The following NUCKS1 variants were observed in gnomAD, a reference collection of about 807,000 sequenced individuals.
The protein encoded by NUCKS1 is nuclear casein kinase and cyclin dependent kinase substrate 1, also known as nuclear ubiquitous casein and cyclin-dependent kinase substrate 1.
NUCKS1 carries 2 observed loss-of-function variants against 33.0 expected under a neutral mutation model. That is an observed-to-expected ratio of 0.06 (90% CI 0.02 to 0.19). NUCKS1 has a LOEUF of 0.19. NUCKS1 is among the 10% of genes least tolerant of loss of function. NUCKS1 has a pLI of 1.00. For missense variants in NUCKS1, 201 were observed against 293.6 expected (o/e 0.68, Z 2.31); for synonymous variants, 106 against 102.8 (o/e 1.03, Z -0.19).
chr1:205,726,623 G>C (rs1474828010), intron 3 of NUCKS1, among the ~76,000 whole-genome samples: 1 of 152,210 alleles, frequency 6.6e-6, no homozygotes, highest in Non-Finnish European at 1.5e-5. Context: ...TTATTTGGAA[G>C]TGGTATAGAG....
chr1:205,741,355 CA>C (rs1654169499), intron 1 of NUCKS1, among the ~76,000 whole-genome samples: 1 of 149,208 alleles, frequency 6.7e-6, no homozygotes, highest in Non-Finnish European at 1.5e-5. Context: ...ATACAAATTT[CA>C]ATGAGCATAA....
At position 205,749,947 on chromosome 1, in the gene NUCKS1, C is replaced by G; in HGVS notation, c.17+10G>C. The G allele has an allele frequency of 6.2e-7, 1 of 1,610,314 alleles. No individual in the cohort carries two copies. Among genetic ancestry groups the G allele is most frequent in the Non-Finnish European group, 8.5e-7 (1 of 1,178,066 alleles). On this transcript the variant is annotated intron_variant, in intron 1 of 6. Coordinates refer to ENST00000367142, the MANE Select transcript of NUCKS1 (RefSeq NM_022731.5). ...TCCAACCCGCTCCAGGCCTCAGACTCCGCACTGACCTGACAGGCCGCGACA... is the reference window on the plus strand; with the variant it reads ...TCCAACCCGCTCCAGGCCTCAGACTGCGCACTGACCTGACAGGCCGCGACA...
chr1:205,717,438 C>T lies in NUCKS1; in HGVS notation c.*842G>A. ...TCTTGGTAAAATTTTATCCAAAAAA[C>T]AGGATACATATATATTTAGAGAAGG... On this transcript the variant is annotated 3_prime_UTR_variant, in exon 7 of 7. Transcript: ENST00000367142. 5.4e-5 allele frequency: 52 copies of T among 967,486 alleles called. No individual in the cohort carries two copies. The highest frequency in any genetic ancestry group is 6.1e-5 in the Non-Finnish European group (50 of 818,772). 59.9% of individuals were successfully genotyped at this position (967,486 alleles called of 1,614,324 possible).
At chr1:205,729,720 C>T in intron 1 of NUCKS1, 99 bp from the exon 2 acceptor site, 1 of 925,200 alleles carries the variant, frequency 1.1e-6, no homozygotes, top group Non-Finnish European at 1.8e-6. Context: ...ACTGAACTAG[C>T]ACTTTGAAAA....
chr1:205,720,384 T>C (rs1671898770), intron 5 of NUCKS1, 117 bp downstream of exon 5: 2 of 955,458 alleles, frequency 2.1e-6, no homozygotes, highest in South Asian at 3.3e-5. Flanking sequence ...ACGGAGTATC[T>C]ACCCAATTTA....
At chr1:205,724,510 A>G (rs1216182556) in intron 3 of NUCKS1, among the ~76,000 whole-genome samples, 1 of 152,174 alleles carries the variant, frequency 6.6e-6, no homozygotes, top group South Asian at 2.1e-4. Flanking sequence ...CCTGGCTAAC[A>G]TGGTGAAACC....
At chr1:205,740,169 A>T (rs912200620) in intron 1 of NUCKS1, among the ~76,000 whole-genome samples, 13 of 149,248 alleles carry the variant, frequency 8.7e-5, no homozygotes, top group African/African-American at 3.2e-4. Flanking sequence ...CAGCTGGCTA[A>T]TTTTTTTTTA....
intron 3 of NUCKS1, among the ~76,000 whole-genome samples, chr1:205,724,649 G>A (rs1179193733): frequency 2.0e-5 from 3 of 152,054 alleles, no homozygotes; most frequent in Non-Finnish European, 4.4e-5. Flanking sequence ...AGCTAGGATT[G>A]CACCGCTGCA....
chr1:205,750,018 A>ACCCCCCCCCCCCCCCCCCCCCCTC lies in NUCKS1; in HGVS notation c.-46_-45insGAGGGGGGGGGGGGGGGGGGGGGG. The ACCCCCCCCCCCCCCCCCCCCCCTC allele has an allele frequency of 1.0e-6, 1 of 964,084 alleles. No individual in the cohort carries two copies. Among genetic ancestry groups the ACCCCCCCCCCCCCCCCCCCCCCTC allele is most frequent in the Non-Finnish European group, 1.5e-6 (1 of 684,578 alleles). The allele number at this position is 964,084 out of a possible 1,614,324, so 59.7% of individuals were successfully genotyped here. ...CCGAGTCGAGAAGCCAAAGACCAGG[A>ACCCCCCCCCCCCCCCCCCCCCCTC]CCCCCCCCACCCCGCGCGCTCGGCG... is the stretch of plus-strand genomic sequence containing the variant. On this transcript the variant is annotated 5_prime_UTR_variant, in exon 1 of 7. Coordinates refer to ENST00000367142, the MANE Select transcript of NUCKS1 (RefSeq NM_022731.5).
chr1:205,745,007 A>C (rs79771737), intron 1 of NUCKS1, among the ~76,000 whole-genome samples: 1,818 of 152,298 alleles, frequency 0.012, 33 homozygotes, highest in African/African-American at 0.042. Flanking sequence ...TATACAGTAC[A>C]TGCATCCTGT....
chr1:205,732,672 T>G (rs1304035308), intron 1 of NUCKS1, among the ~76,000 whole-genome samples: 1 of 150,408 alleles, frequency 6.6e-6, no homozygotes, highest in Non-Finnish European at 1.5e-5. Flanking sequence ...TGCCAGCTAC[T>G]TGGGAGACTG....
rs1397711820 is a variant in NUCKS1 at position 205,749,706 on chromosome 1, G to T, written c.17+251C>A. ...CCCCGCCCGCTCTAGTGCGGTGGGTGGGGGAGGCAGCTGAGCAGACCGGAG... is the reference window on the plus strand; with the variant it reads ...CCCCGCCCGCTCTAGTGCGGTGGGTTGGGGAGGCAGCTGAGCAGACCGGAG... On this transcript the variant is annotated intron_variant, in intron 1 of 6. Coordinates refer to ENST00000367142, the MANE Select transcript of NUCKS1 (RefSeq NM_022731.5). Among the ~76,000 whole-genome samples the T allele has an allele frequency of 3.3e-5, 5 of 151,790 alleles. No homozygotes were observed. The South Asian group carries it at 6.2e-4, about 19-fold the overall frequency.
At chr1:205,749,515 G>A (rs1236901797) in intron 1 of NUCKS1, among the ~76,000 whole-genome samples, 1 of 151,610 alleles carries the variant, frequency 6.6e-6, no homozygotes, top group Non-Finnish European at 1.5e-5. Flanking sequence ...CTGGGGGAAG[G>A]GGCAATACGG....
At chr1:205,741,296 T>G (rs1654165537) in intron 1 of NUCKS1, among the ~76,000 whole-genome samples, 1 of 23,494 alleles carries the variant, frequency 4.3e-5, no homozygotes, top group Non-Finnish European at 9.9e-5. Flanking sequence ...CGAGACTGTC[T>G]CAAAAAAAAA....
intron 1 of NUCKS1, among the ~76,000 whole-genome samples, chr1:205,747,058 T>C (rs80153295): frequency 0.011 from 1,620 of 152,304 alleles, 34 homozygotes; most frequent in African/African-American, 0.037. Flanking sequence ...CCTCACAAAG[T>C]TGACTCATGA....
intron 1 of NUCKS1, 43 bp from the exon 2 acceptor site, chr1:205,729,664 G>C (rs1276045599): frequency 7.0e-7 from 1 of 1,422,330 alleles, no homozygotes; most frequent in Non-Finnish European, 9.9e-7. Flanking sequence ...AAAACTGTAG[G>C]ATTTTTCTAA....
intron 1 of NUCKS1, among the ~76,000 whole-genome samples, chr1:205,733,428 A>C (rs1157516292): frequency 2.6e-5 from 4 of 152,096 alleles, no homozygotes; most frequent in Non-Finnish European, 5.9e-5. Context: ...CTACTTCCTT[A>C]CTCTATCACT....
chr1:205,736,268 C>T (rs1438297502), intron 1 of NUCKS1, among the ~76,000 whole-genome samples: 2 of 152,008 alleles, frequency 1.3e-5, no homozygotes, highest in Non-Finnish European at 2.9e-5. Flanking sequence ...ATTTTTATTT[C>T]TGACTTTATG....
Position 205,727,753 on chromosome 1 carries a change from A to T in NUCKS1, c.120T>A (p.Ser40=). 3.7e-6 allele frequency: 6 copies of T among 1,613,476 alleles called. No individual in the cohort carries two copies. The highest frequency in any genetic ancestry group is 5.1e-6 in the Non-Finnish European group (6 of 1,179,786). The change falls in exon 3 of 7, where the codon TCT becomes TCA. Residue 40 remains serine (S), a synonymous_variant. Transcript: ENST00000367142. ...SGPPTKKIRS[S]PREAKNKRRS... ...GCCTCTTATTTTTAGCTTCTCGGGG[A>T]GATGATCGAATTTTCTTAGTGGGAG...
Sources: allele counts gnomAD v4.1 joint callset (sites outside exome capture counted in the v4.1 genomes callset), GRCh38; gene constraint gnomAD v4.1.1; transcripts MANE v1.5; gene names NCBI Gene and HGNC (gene_info 2026-07-23, HGNC 2026-07-21).